The following LNX1 variants were observed in gnomAD, a reference collection of about 807,000 sequenced individuals.
The protein encoded by LNX1 is ligand of numb-protein X 1, also known as E3 ubiquitin-protein ligase LNX.
In LNX1, 54 loss-of-function variants were observed where a neutral mutation model predicts 68.4. That is an observed-to-expected ratio of 0.79 (90% CI 0.63 to 0.99). The LOEUF is 0.99. Among genes scored for constraint, LNX1 ranks in the 50% least tolerant of loss-of-function variants. The probability of loss-of-function intolerance (pLI) is 0.00; values close to 1 mark genes in which losing one functional copy is unlikely to be tolerated. For synonymous variants in LNX1, 336 were observed against 350.0 expected, an observed-to-expected ratio of 0.96 and a Z score of 0.45; for missense variants, 906 against 926.4, an observed-to-expected ratio of 0.98 and a Z score of 0.29.
chr4:53,593,061 A>G (rs1278133582), upstream of LNX1: 1 of 152,236 alleles, frequency 6.6e-6, no homozygotes, highest in East Asian at 1.9e-4. Context: ...TTTTTATCCA[A>G]TAGAAACTAA....
chr4:53,494,572 G>A (rs762226344), intron 6 of LNX1, among the ~76,000 whole-genome samples: 4 of 152,140 alleles, frequency 2.6e-5, no homozygotes, highest in South Asian at 2.1e-4. Context: ...TCTCCCCTGC[G>A]CCTGCATCAG....
At chr4:53,473,720 G>A (rs1182021673) in intron 9 of LNX1, among the ~76,000 whole-genome samples, 1 of 151,990 alleles carries the variant, frequency 6.6e-6, no homozygotes, top group Non-Finnish European at 1.5e-5. Context: ...TTAGTACCTG[G>A]GTACTGAACT....
At chr4:53,504,027 T>A (rs928130762) in intron 4 of LNX1, among the ~76,000 whole-genome samples, 25 of 152,066 alleles carry the variant, frequency 1.6e-4, no homozygotes, top group Non-Finnish European at 7.4e-5. Flanking sequence ...CCCAGCTACT[T>A]GGGAGGCTGA....
chr4:53,589,786 C>T (rs898990895), intron 1 of LNX1, among the ~76,000 whole-genome samples: 7 of 152,206 alleles, frequency 4.6e-5, no homozygotes, highest in Non-Finnish European at 1.5e-5. Context: ...CCCAACAGAC[C>T]AACTGCATTC....
chr4:53,560,434 T>C (rs1406502992), intron 2 of LNX1, among the ~76,000 whole-genome samples: 1 of 152,246 alleles, frequency 6.6e-6, no homozygotes, highest in Admixed American at 6.5e-5. Context: ...GCCTATCAAA[T>C]ATTTAACCTC....
chr4:53,495,028 T>C (rs375354685), intron 6 of LNX1, among the ~76,000 whole-genome samples: 1 of 152,146 alleles, frequency 6.6e-6, no homozygotes, highest in Non-Finnish European at 1.5e-5. Context: ...GATGTGGCAA[T>C]AGAAGGCAAC....
chr4:53,582,311 A>T (rs1731884447), intron 1 of LNX1, among the ~76,000 whole-genome samples: 1 of 152,196 alleles, frequency 6.6e-6, no homozygotes, highest in East Asian at 1.9e-4. Flanking sequence ...ACACAGGTGA[A>T]CAGTTTGCTG....
At chr4:53,570,021 G>C (rs146581062) in intron 2 of LNX1, among the ~76,000 whole-genome samples, 20 of 152,158 alleles carry the variant, frequency 1.3e-4, no homozygotes, top group South Asian at 4.1e-4. Context: ...AGAACAGGTG[G>C]TGGAGAGGAT....
At chr4:53,504,786 C>T (rs1002190442) in intron 4 of LNX1, among the ~76,000 whole-genome samples, 1 of 152,188 alleles carries the variant, frequency 6.6e-6, no homozygotes. Flanking sequence ...TCAGGGAATA[C>T]GGAGGCCCAA....
chr4:53,517,969 C>T (rs896196892), intron 2 of LNX1, among the ~76,000 whole-genome samples: 13 of 152,176 alleles, frequency 8.5e-5, no homozygotes, highest in Admixed American at 3.3e-4. Flanking sequence ...CAACCACACA[C>T]GGCTTCCCCT....
At chr4:53,478,779 C>T in intron 7 of LNX1, 37 bp from the exon 8 acceptor site, 1 of 1,584,460 alleles carries the variant, frequency 6.3e-7, no homozygotes, top group East Asian at 2.3e-5. Context: ...CACATGAATT[C>T]ACAACTCTGG....
At chr4:53,621,429 A>G (rs140073966), upstream of LNX1, among the ~76,000 whole-genome samples, 30 of 152,210 alleles carry the variant, frequency 2.0e-4, no homozygotes, top group East Asian at 5.4e-3. Context: ...TTTTCTCTGT[A>G]ATTTGCAGGA....
chr4:53,476,126 G>A (rs1468771046), intron 9 of LNX1, among the ~76,000 whole-genome samples: 2 of 151,920 alleles, frequency 1.3e-5, no homozygotes, highest in African/African-American at 2.4e-5. Context: ...GTGAATCCCC[G>A]TCTCTACTAG....
chr4:53,599,991 T>A (rs2109833400), intron 2 of LNX1, among the ~76,000 whole-genome samples: 1 of 152,358 alleles, frequency 6.6e-6, no homozygotes, highest in East Asian at 1.9e-4. Flanking sequence ...GCTGTTTAGA[T>A]GAATTTAAAA....
intron 6 of LNX1, 73 bp from the exon 7 acceptor site, chr4:53,481,927 A>C: frequency 6.9e-7 from 1 of 1,452,104 alleles, no homozygotes; most frequent in South Asian, 1.4e-5. Flanking sequence ...AGCTTACAAA[A>C]ACATCACTTT....
chr4:53,572,701 T>C lies in LNX1; in HGVS notation c.380+922A>G, dbSNP rs557526659. On this transcript the variant is annotated intron_variant, in intron 2 of 10. Transcript: ENST00000263925. ...ATGTCCAAGAACATGACAATGTAAG[T>C]GGACAAAATGAGAGGCAGCCAGATG... 9.7e-4 allele frequency among the ~76,000 whole-genome samples: 147 copies of C among 152,184 alleles called. 1 individual carries two copies. The highest frequency in any genetic ancestry group is 6.8e-3 in the Middle Eastern group (2 of 294).
intron 2 of LNX1, among the ~76,000 whole-genome samples, chr4:53,535,870 G>C (rs566599878): frequency 1.3e-5 from 2 of 152,104 alleles, no homozygotes; most frequent in African/African-American, 2.4e-5. Flanking sequence ...GTCTACATTT[G>C]ATATGACCCC....
intron 4 of LNX1, 96 bp from the exon 5 acceptor site, chr4:53,498,939 A>G (rs1191667112): frequency 4.6e-6 from 4 of 873,550 alleles, no homozygotes; most frequent in Admixed American, 2.0e-5. Context: ...AAACTAAACT[A>G]TTCATTTTTC....
intron 6 of LNX1, among the ~76,000 whole-genome samples, chr4:53,491,909 T>C (rs1297551989): frequency 1.3e-5 from 2 of 151,816 alleles, no homozygotes; most frequent in Non-Finnish European, 2.9e-5. Context: ...GTGATTCTTC[T>C]GCCAAGTAGC....
Sources: gnomAD v4.1 joint callset for allele counts (sites outside exome capture counted in the v4.1 genomes callset) on GRCh38, gnomAD v4.1.1 for gene constraint, MANE v1.5 for transcripts, NCBI Gene and HGNC (gene_info 2026-07-23, HGNC 2026-07-21) for gene names.